The following CAPN2 variants were observed in gnomAD, a reference collection of about 807,000 sequenced individuals.
CAPN2 encodes calpain 2.
Under a neutral mutation model 102.3 loss-of-function variants are expected in CAPN2, and 92 were observed. That is an observed-to-expected ratio of 0.90 (90% CI 0.76 to 1.07). CAPN2 has a LOEUF of 1.07. Among genes scored for constraint, CAPN2 ranks in the 50% least tolerant of loss-of-function variants. CAPN2 has a pLI of 0.00. For synonymous variants in CAPN2, 340 were observed against 355.4 expected (o/e 0.96, Z 0.49); for missense variants, 800 against 909.4 (o/e 0.88, Z 1.55).
At chr1:223,719,037 T>C (rs183784551) in intron 2 of CAPN2, among the ~76,000 whole-genome samples, 1 of 152,266 alleles carries the variant, frequency 6.6e-6, no homozygotes, top group Admixed American at 6.5e-5. Context: ...GGCGGGAAAG[T>C]TTGTCTGAGC....
At chr1:223,758,547 TGA>T (rs1326820529) in intron 11 of CAPN2, 1 of 152,498 alleles carries the variant, frequency 6.6e-6, no homozygotes, top group African/African-American at 2.4e-5. Context: ...TGTTCCTGCC[TGA>T]GAGTCTCTTA....
intron 6 of CAPN2, among the ~76,000 whole-genome samples, chr1:223,750,069 G>A (rs28370070): frequency 0.12 from 17,804 of 152,032 alleles, 2,779 homozygotes; most frequent in African/African-American, 0.35. Flanking sequence ...AGTCTAGACC[G>A]CAGATCTTCT....
intron 2 of CAPN2, among the ~76,000 whole-genome samples, chr1:223,723,901 G>A (rs550599996): frequency 1.6e-4 from 19 of 118,934 alleles, no homozygotes; most frequent in African/African-American, 4.4e-4. Flanking sequence ...GCCACAGGGC[G>A]TGCAAAGTGG....
chr1:223,713,874 G>A (rs1261910317), intron 1 of CAPN2, among the ~76,000 whole-genome samples: 5 of 152,188 alleles, frequency 3.3e-5, no homozygotes, highest in Non-Finnish European at 5.9e-5. Flanking sequence ...GACCTTGAAC[G>A]AGCCATTTAA....
intron 1 of CAPN2, among the ~76,000 whole-genome samples, chr1:223,703,564 G>T (rs1056888482): frequency 6.6e-6 from 1 of 152,180 alleles, no homozygotes; most frequent in Non-Finnish European, 1.5e-5. Flanking sequence ...CCACTGGGTT[G>T]GCCAAGGCTT....
rs1257516895 is a variant in CAPN2 at position 223,749,070 on chromosome 1, C to T, written c.761C>T (p.Thr254Met). 1 of 1,614,126 alleles carries T rather than the reference C, an allele frequency of 6.2e-7. No homozygotes were observed. The highest frequency in any genetic ancestry group is 8.5e-7 in the Non-Finnish European group (1 of 1,179,968). ...AGCGCCGCGGACTCGGAGGCCATCACGTTTCAGAAGCTGGTGAAGGGGCAC... is the reference window on the plus strand; with the variant it reads ...AGCGCCGCGGACTCGGAGGCCATCATGTTTCAGAAGCTGGTGAAGGGGCAC... ...ITSAADSEAI[T>M]FQKLVKGHAY... is the part of the protein sequence containing the mutation. The change falls in exon 6 of 21, where the codon ACG becomes ATG. Residue 254 changes from threonine (T) to methionine (M), a missense_variant. Transcript: ENST00000295006.
intron 1 of CAPN2, among the ~76,000 whole-genome samples, chr1:223,705,758 G>A (rs780860512): frequency 6.6e-6 from 1 of 152,168 alleles, no homozygotes; most frequent in African/African-American, 2.4e-5. Flanking sequence ...AGGATTTGCT[G>A]CCACATGTCA....
chr1:223,745,407 C>A lies in CAPN2; in HGVS notation c.528C>A (p.Phe176Leu). 6.2e-7 allele frequency: 1 copy of A among 1,614,218 alleles called. No homozygotes were observed. The highest frequency in any genetic ancestry group is 8.5e-7 in the Non-Finnish European group (1 of 1,180,030). The change falls in exon 4 of 21, where the codon TTC (phenylalanine) becomes TTA (leucine). Residue 176 changes from phenylalanine (F) to leucine (L), a missense_variant. By Grantham distance (22) the Phe-to-Leu change is conservative. Coordinates refer to ENST00000295006, the MANE Select transcript of CAPN2 (RefSeq NM_001748.5). ...TGCATTCAGCCGAAGGGAGCGAGTT[C>A]TGGAGCGCCCTGCTGGAGAAGGCAT... The part of the protein sequence containing the change: ...LFVHSAEGSE[F>L]WSALLEKAYA...
At chr1:223,766,850 C>T (rs1345828438) in intron 16 of CAPN2, among the ~76,000 whole-genome samples, 1 of 152,096 alleles carries the variant, frequency 6.6e-6, no homozygotes, top group Non-Finnish European at 1.5e-5. Flanking sequence ...ATCCCAGCTA[C>T]TCAGGAGGCT....
At chr1:223,750,315 C>T (rs1000348717) in intron 6 of CAPN2, among the ~76,000 whole-genome samples, 21 of 152,298 alleles carry the variant, frequency 1.4e-4, no homozygotes, top group African/African-American at 5.1e-4. Context: ...TGACACTTCC[C>T]TCCTCAATAC....
rs1018045768 is a variant in CAPN2, at chr1:223,755,455, C to T, written c.1136-25C>T. 6 of 1,612,904 alleles carry T rather than the reference C, an allele frequency of 3.7e-6. No individual in the cohort carries two copies. Among genetic ancestry groups the T allele is most frequent in the Non-Finnish European group, 4.2e-6 (5 of 1,179,546 alleles). On this transcript the variant is annotated intron_variant, in intron 9 of 20. Coordinates refer to ENST00000295006, the MANE Select transcript of CAPN2 (RefSeq NM_001748.5). The surrounding 1 kb of genome is among the most constrained non-coding windows in gnomAD (Gnocchi z 4.1). ...CCATGCATTCCTGCTCAGGGCTGGG[C>T]TCCTCTGCCCCTTTCTGGCTGCAGA...
chr1:223,729,801 G>A (rs370107748), intron 2 of CAPN2, among the ~76,000 whole-genome samples: 4 of 152,078 alleles, frequency 2.6e-5, no homozygotes, highest in Non-Finnish European at 5.9e-5. Context: ...TCAGGAGTTC[G>A]AGCCTGGCCT....
chr1:223,717,719 C>T, intron 1 of CAPN2, 43 bp from the exon 2 acceptor site: 1 of 1,534,716 alleles, frequency 6.5e-7, no homozygotes, highest in Non-Finnish European at 9.0e-7. Flanking sequence ...TGCAGAAGCA[C>T]CTGGCTGGTA....
intron 16 of CAPN2, among the ~76,000 whole-genome samples, chr1:223,767,015 C>T (rs1047250985): frequency 1.3e-4 from 19 of 151,306 alleles, no homozygotes; most frequent in African/African-American, 4.4e-4. Flanking sequence ...GGGGCTGGTG[C>T]GGGAAATTCC....
chr1:223,730,506 A>G (rs976459303), intron 2 of CAPN2, among the ~76,000 whole-genome samples: 4 of 152,206 alleles, frequency 2.6e-5, no homozygotes, highest in African/African-American at 9.6e-5. Flanking sequence ...AGACATTTCA[A>G]AATCTGTCAG....
At position 223,755,365 on chromosome 1, in the gene CAPN2, C is replaced by A; in HGVS notation, c.1136-115C>A. On this transcript the variant is annotated intron_variant, in intron 9 of 20. Transcript: ENST00000295006. The surrounding 1 kb of genome is among the most constrained non-coding windows in gnomAD (Gnocchi z 4.1). ...CTTACCATCTCCCACCACCTCCCAC[C>A]ATCTCCCTTTATCTCCATCCCTCTC... The A allele has an allele frequency of 1.0e-6, 1 of 982,496 alleles. No individual in the cohort carries two copies. The highest frequency in any genetic ancestry group is 1.5e-6 in the Non-Finnish European group (1 of 650,962). 60.9% of individuals were successfully genotyped at this position (982,496 alleles called of 1,614,324 possible).
Position 223,744,095 on chromosome 1 carries a change from C to A in CAPN2, c.308-5C>A, listed in dbSNP as rs186794828. The stretch of plus-strand genomic sequence containing the variant: ...TGATAAGAGCTCCTTGTGCTGTGTT[C>A]ACAGGTGACTGCTGGCTGCTGGCAG... On this transcript the variant is annotated splice_region_variant and splice_polypyrimidine_tract_variant and intron_variant, in intron 2 of 20. Coordinates refer to ENST00000295006, the MANE Select transcript of CAPN2 (RefSeq NM_001748.5). 86 of 1,598,838 alleles carry A rather than the reference C, an allele frequency of 5.4e-5. No individual in the cohort carries two copies. In the African/African-American group the frequency reaches 1.1e-3, roughly 20 times the overall value.
upstream of CAPN2, among the ~76,000 whole-genome samples, chr1:223,710,849 G>A (rs550328762): frequency 3.5e-4 from 23 of 66,268 alleles, no homozygotes; most frequent in Admixed American, 4.0e-3. Context: ...GAGTTGTCCC[G>A]CCTTTCTGAA....
intron 2 of CAPN2, among the ~76,000 whole-genome samples, chr1:223,736,717 T>C (rs1034134915): frequency 2.6e-5 from 4 of 152,164 alleles, no homozygotes; most frequent in Admixed American, 1.3e-4. Context: ...GCAGCCCATC[T>C]GATCTCTAAA....
Sources: allele counts gnomAD v4.1 joint callset (sites outside exome capture counted in the v4.1 genomes callset), GRCh38; gene constraint gnomAD v4.1.1; non-coding constraint Gnocchi (gnomAD v3.1); transcripts MANE v1.5; gene names NCBI Gene and HGNC (gene_info 2026-07-23, HGNC 2026-07-21).